Variants in SLC39A11 observed in about 807,000 individuals in gnomAD.
SLC39A11 encodes the protein solute carrier family 39 member 11.
Under a neutral mutation model 36.1 loss-of-function variants are expected in SLC39A11, and 33 were observed. The ratio of observed to expected loss-of-function variants is 0.91; its 90% CI spans 0.69 to 1.22. The LOEUF is 1.22. Among genes scored for constraint, SLC39A11 ranks in the 50% most tolerant of loss-of-function variants. SLC39A11 has a pLI of 0.00. For missense variants in SLC39A11, 432 were observed against 430.3 expected (o/e 1.00, Z -0.03); for synonymous variants, 166 against 170.3 (o/e 0.97, Z 0.20).
chr17:73,063,223 C>G (rs942048081), intron 3 of SLC39A11, among the ~76,000 whole-genome samples: 1 of 152,122 alleles, frequency 6.6e-6, no homozygotes. Context: ...ATGAATTTGA[C>G]GAAGGTAACT....
intron 7 of SLC39A11, among the ~76,000 whole-genome samples, chr17:72,732,328 T>C (rs1294151173): frequency 2.6e-5 from 4 of 152,170 alleles, no homozygotes; most frequent in Admixed American, 6.5e-5. Flanking sequence ...GCATTACTTT[T>C]AACTACACTA....
chr17:72,895,268 C>T (rs976793038), intron 5 of SLC39A11, among the ~76,000 whole-genome samples: 1 of 152,056 alleles, frequency 6.6e-6, no homozygotes, highest in Non-Finnish European at 1.5e-5. Flanking sequence ...AAGAAAACAG[C>T]CCTATCCTGC....
intron 3 of SLC39A11, among the ~76,000 whole-genome samples, chr17:73,054,353 C>T (rs974145974): frequency 1.3e-5 from 2 of 150,592 alleles, no homozygotes; most frequent in Admixed American, 1.3e-4. Flanking sequence ...GACCAAGACT[C>T]CATCTCGAAA....
At chr17:72,668,074 C>T (rs923392393) in intron 7 of SLC39A11, among the ~76,000 whole-genome samples, 1 of 152,124 alleles carries the variant, frequency 6.6e-6, no homozygotes, top group East Asian at 1.9e-4. Flanking sequence ...ATTAGCAATA[C>T]TTTGTACCAT....
chr17:72,768,777 T>C (rs1568058232), intron 6 of SLC39A11, among the ~76,000 whole-genome samples: 1 of 152,114 alleles, frequency 6.6e-6, no homozygotes. Context: ...TTATTATTTT[T>C]TGAGATGGAG....
At chr17:72,787,589 A>T (rs1200592069) in intron 6 of SLC39A11, among the ~76,000 whole-genome samples, 3 of 152,128 alleles carry the variant, frequency 2.0e-5, no homozygotes, top group Admixed American at 2.0e-4. Context: ...TTACTCTCTT[A>T]AATTACTGGG....
intron 6 of SLC39A11, among the ~76,000 whole-genome samples, chr17:72,805,182 T>G (rs1284915783): frequency 6.6e-6 from 1 of 152,182 alleles, no homozygotes; most frequent in African/African-American, 2.4e-5. Flanking sequence ...GCATGTGGGT[T>G]GGTGGGGGCT....
chr17:72,732,040 CTTTTTT>C (rs764728558), intron 7 of SLC39A11, among the ~76,000 whole-genome samples: 5 of 33,666 alleles, frequency 1.5e-4, no homozygotes, highest in East Asian at 8.9e-4. Context: ...CTTTTCTTTT[CTTTTTT>C]TTTTTTTTTT....
intron 3 of SLC39A11, among the ~76,000 whole-genome samples, chr17:73,084,134 A>G (rs2060637057): frequency 6.6e-6 from 1 of 152,108 alleles, no homozygotes; most frequent in South Asian, 2.1e-4. Flanking sequence ...CAATTTTTAC[A>G]TGTTTAACAA....
At chr17:73,044,881 A>G (rs78110332) in intron 3 of SLC39A11, among the ~76,000 whole-genome samples, 30 of 141,988 alleles carry the variant, frequency 2.1e-4, no homozygotes, top group Admixed American at 2.7e-4. Flanking sequence ...TGTCTCAGAA[A>G]AAAAAAAAAA....
At chr17:73,043,437 C>G (rs1217370039) in intron 3 of SLC39A11, among the ~76,000 whole-genome samples, 1 of 152,118 alleles carries the variant, frequency 6.6e-6, no homozygotes, top group African/African-American at 2.4e-5. Flanking sequence ...ATGTCAGCTC[C>G]CCTCCACAAC....
chr17:73,069,114 C>A (rs2060084527), intron 3 of SLC39A11, among the ~76,000 whole-genome samples: 1 of 152,128 alleles, frequency 6.6e-6, no homozygotes, highest in African/African-American at 2.4e-5. Context: ...TAACGCATTT[C>A]CTTCCCCTAC....
chr17:72,655,358 A>G (rs1227478793), intron 7 of SLC39A11, among the ~76,000 whole-genome samples: 1 of 152,214 alleles, frequency 6.6e-6, no homozygotes, highest in Non-Finnish European at 1.5e-5. Context: ...AATCACCTGC[A>G]TCAGCTCCAG....
At chr17:72,702,410 A>C (rs956925089) in intron 7 of SLC39A11, among the ~76,000 whole-genome samples, 2 of 152,112 alleles carry the variant, frequency 1.3e-5, no homozygotes, top group African/African-American at 4.8e-5. Flanking sequence ...TGTCACAACT[A>C]GGGGGAAGGC....
chr17:73,030,561 G>A (rs1046935829), intron 4 of SLC39A11, among the ~76,000 whole-genome samples: 2 of 152,124 alleles, frequency 1.3e-5, no homozygotes, highest in Non-Finnish European at 2.9e-5. Context: ...CTGTCTCACC[G>A]TGATCCAGCA....
In SLC39A11 at chr17:73,086,953, G is replaced by A. The variant is rs569348323; in HGVS notation, c.108+1704C>T. On this transcript the variant is annotated intron_variant, in intron 2 of 9. Coordinates refer to ENST00000255559, the MANE Select transcript of SLC39A11 (RefSeq NM_139177.4). ...TGCATGTAATCCCAGCTACTCGGGA[G>A]GCTGAGGCAGAAGAACCTTTTGAAC... 4.6e-5 allele frequency among the ~76,000 whole-genome samples: 7 copies of A among 152,264 alleles called. No homozygotes were observed. In the East Asian group the frequency reaches 1.3e-3, roughly 29 times the overall value.
At chr17:72,693,404 T>G (rs1001093890) in intron 7 of SLC39A11, among the ~76,000 whole-genome samples, 4 of 152,220 alleles carry the variant, frequency 2.6e-5, no homozygotes, top group African/African-American at 9.7e-5. Flanking sequence ...TGCTGCCCTC[T>G]CTTTAGAATG....
intron 3 of SLC39A11, among the ~76,000 whole-genome samples, chr17:73,079,270 T>C (rs923845172): frequency 6.6e-6 from 1 of 152,104 alleles, no homozygotes; most frequent in Non-Finnish European, 1.5e-5. Flanking sequence ...GCTAACTTTG[T>C]ATTTTTAGCA....
chr17:72,769,603 G>A (rs1018420394), intron 6 of SLC39A11, among the ~76,000 whole-genome samples: 12 of 151,658 alleles, frequency 7.9e-5, no homozygotes, highest in Non-Finnish European at 1.3e-4. Flanking sequence ...AGAGTGGAGT[G>A]GCCCGATCTC....
Sources: allele counts gnomAD v4.1 joint callset (sites outside exome capture counted in the v4.1 genomes callset), GRCh38; gene constraint gnomAD v4.1.1; transcripts MANE v1.5; gene names NCBI Gene and HGNC (gene_info 2026-07-23, HGNC 2026-07-21).